The following RBFOX1 variants were observed in gnomAD, a reference collection of about 807,000 sequenced individuals.
RBFOX1 encodes the protein RNA binding protein fox-1 homolog 1.
A neutral mutation model predicts 57.7 loss-of-function variants in RBFOX1; 8 were observed. The observed-to-expected ratio is 0.14, with a 90% CI of 0.08 to 0.25. RBFOX1 has a LOEUF of 0.25. Ranked by LOEUF, RBFOX1 falls within the 10% of genes least tolerant of loss-of-function variation. The probability of loss-of-function intolerance (pLI) is 1.00; values close to 1 mark genes in which losing one functional copy is unlikely to be tolerated. For synonymous variants in RBFOX1, 326 were observed against 222.4 expected (o/e 1.47, Z -4.15); for missense variants, 611 against 548.5 (o/e 1.11, Z -1.14).
At chr16:6,638,611 C>G (rs1031707239) in intron 2 of RBFOX1, among the ~76,000 whole-genome samples, 19 of 152,136 alleles carry the variant, frequency 1.2e-4, no homozygotes, top group African/African-American at 4.6e-4. Flanking sequence ...GGTGTGTACA[C>G]ATAGATTGAA....
intron 3 of RBFOX1, among the ~76,000 whole-genome samples, chr16:6,888,704 G>C (rs777044627): frequency 2.6e-5 from 4 of 152,098 alleles, no homozygotes; most frequent in Non-Finnish European, 5.9e-5. Flanking sequence ...AAAAAAGCTG[G>C]GGGAAGGGAG....
chr16:5,502,633 CTG>C (rs1355125778), intron 2 of RBFOX1, among the ~76,000 whole-genome samples: 1 of 152,192 alleles, frequency 6.6e-6, no homozygotes, highest in Non-Finnish European at 1.5e-5. Flanking sequence ...CCTCCAGCCT[CTG>C]TTATCTCTGC....
At chr16:6,327,994 G>T (rs543826429) in intron 2 of RBFOX1, among the ~76,000 whole-genome samples, 1 of 152,128 alleles carries the variant, frequency 6.6e-6, no homozygotes, top group Non-Finnish European at 1.5e-5. Flanking sequence ...AACGTATAAA[G>T]GTTGTGCATT....
rs112466920 is a variant in RBFOX1 at position 6,306,798 on chromosome 16, C to G, written c.-126-10197C>G. Among the ~76,000 whole-genome samples, 1,307 of 152,268 alleles carry G rather than the reference C, an allele frequency of 8.6e-3. 16 individuals are homozygous for G. Among genetic ancestry groups the G allele is most frequent in the African/African-American group, 0.028 (1,154 of 41,540 alleles). ...CAGGAATTAAAAGTTGTCGTTTTCT[C>G]TGATATACTATGCCTTGCACTCAGT... On this transcript the variant is annotated intron_variant, in intron 1 of 15. Coordinates refer to ENST00000550418, the MANE Select transcript of RBFOX1 (RefSeq NM_018723.4).
chr16:5,597,872 AC>A (rs1449950047), intron 2 of RBFOX1, among the ~76,000 whole-genome samples: 2 of 151,880 alleles, frequency 1.3e-5, no homozygotes, highest in East Asian at 3.9e-4. Context: ...CTCCACTGCA[AC>A]CCTGCTGAGT....
At position 7,438,040 on chromosome 16, in the gene RBFOX1, C is replaced by T. The variant is rs562903781; in HGVS notation, c.28-80107C>T. Among the ~76,000 whole-genome samples the T allele has an allele frequency of 3.3e-5, 5 of 152,224 alleles. No individual in the cohort carries two copies. The East Asian group carries it at 7.7e-4, about 24-fold the overall frequency. ...GCATGTCAGTGCGACAGTTGATGTG[C>T]GTCTCATTGTATTTAAAATTATAGT... On this transcript the variant is annotated intron_variant, in intron 4 of 15. Transcript: ENST00000550418.
At chr16:6,412,647 C>T (rs1290092803) in intron 2 of RBFOX1, among the ~76,000 whole-genome samples, 2 of 152,206 alleles carry the variant, frequency 1.3e-5, no homozygotes, top group African/African-American at 2.4e-5. Context: ...GCTTCACATG[C>T]ACTTTGATGT....
At chr16:5,532,305 C>G (rs2151036895) in intron 2 of RBFOX1, among the ~76,000 whole-genome samples, 1 of 152,306 alleles carries the variant, frequency 6.6e-6, no homozygotes, top group East Asian at 1.9e-4. Context: ...TTCTGGGGAG[C>G]AACATCGCCA....
chr16:6,991,698 G>C (rs925263041), intron 3 of RBFOX1, among the ~76,000 whole-genome samples: 2 of 151,994 alleles, frequency 1.3e-5, no homozygotes, highest in African/African-American at 2.4e-5. Context: ...TGCCATTCCT[G>C]CCTGACTTTT....
intron 4 of RBFOX1, among the ~76,000 whole-genome samples, chr16:5,898,978 A>T (rs1340849456): frequency 6.6e-6 from 1 of 151,466 alleles, no homozygotes; most frequent in Non-Finnish European, 1.5e-5. Flanking sequence ...TGAGAGGATC[A>T]CTTGAGCCCA....
rs116369717 is a variant in RBFOX1, at chr16:5,491,263, G to A, written c.258+24009G>A. 2.5e-3 allele frequency among the ~76,000 whole-genome samples: 378 copies of A among 152,204 alleles called. 1 individual carries two copies. Among genetic ancestry groups the A allele is most frequent in the African/African-American group, 8.0e-3 (332 of 41,530 alleles). ...ACGCCAGCACCCACTTGAAGAACTGGAATATTACCAGCCACCCCGAGCCAC... is the reference window on the plus strand; with the variant it reads ...ACGCCAGCACCCACTTGAAGAACTGAAATATTACCAGCCACCCCGAGCCAC... On this transcript the variant is annotated intron_variant, in intron 2 of 2. Coordinates refer to the RBFOX1 transcript ENST00000585867.
chr16:6,587,745 A>G (rs1320961445), intron 2 of RBFOX1, among the ~76,000 whole-genome samples: 1 of 152,218 alleles, frequency 6.6e-6, no homozygotes, highest in Non-Finnish European at 1.5e-5. Context: ...TTTACATACA[A>G]ACTTGTAGAA....
At chr16:6,858,746 A>C (rs2058360332) in intron 3 of RBFOX1, among the ~76,000 whole-genome samples, 1 of 152,150 alleles carries the variant, frequency 6.6e-6, no homozygotes, top group African/African-American at 2.4e-5. Flanking sequence ...AGTGTATACC[A>C]AAAACACATC....
In RBFOX1 at chr16:6,019,115, A is replaced by AT. The variant is rs2095021528; in HGVS notation, c.-1000dup. The AT allele has an allele frequency of 1.0e-6, 1 of 984,010 alleles. No individual in the cohort carries two copies. Among genetic ancestry groups the AT allele is most frequent in the Admixed American group, 6.2e-5 (1 of 16,104 alleles). 61.0% of individuals were successfully genotyped at this position (984,010 alleles called of 1,614,324 possible). A position where few individuals can be genotyped will look rare whatever the true frequency, so the allele number is the denominator to read the frequency against. ...CACACGCACACACACACATGCACAC[A>AT]TTTTCTCGCGCTCTCTCCGGCTCTC... On this transcript the variant is annotated 5_prime_UTR_variant, in exon 1 of 16. An upstream open reading frame in the 5' UTR loses its in-frame stop. Coordinates refer to ENST00000550418, the MANE Select transcript of RBFOX1 (RefSeq NM_018723.4). This position sits in a 1 kb window ranked among gnomAD's most constrained non-coding sequence, Gnocchi z 4.2.
intron 11 of RBFOX1, among the ~76,000 whole-genome samples, chr16:7,643,308 A>G (rs1348598130): frequency 2.0e-5 from 3 of 152,228 alleles, no homozygotes; most frequent in African/African-American, 7.2e-5. Context: ...TGCTCATTAC[A>G]TGTAATTTTA....
At chr16:6,156,725 T>A (rs1241711282) in intron 1 of RBFOX1, among the ~76,000 whole-genome samples, 2 of 152,212 alleles carry the variant, frequency 1.3e-5, no homozygotes, top group East Asian at 1.9e-4. Context: ...TGTGGTAGCA[T>A]GGGTGAAACC....
intron 4 of RBFOX1, among the ~76,000 whole-genome samples, chr16:7,328,239 T>G (rs1388866111): frequency 6.6e-6 from 1 of 152,052 alleles, no homozygotes; most frequent in Non-Finnish European, 1.5e-5. Context: ...CCCAGCACTT[T>G]GGGAGGCTGC....
intron 3 of RBFOX1, among the ~76,000 whole-genome samples, chr16:6,797,276 C>A (rs553183501): frequency 2.6e-5 from 4 of 152,256 alleles, no homozygotes; most frequent in East Asian, 3.9e-4. Flanking sequence ...TCCTTAGGAT[C>A]CTGGTAAATC....
At chr16:7,681,810 GC>G (rs2074833461) in intron 14 of RBFOX1, among the ~76,000 whole-genome samples, 1 of 152,074 alleles carries the variant, frequency 6.6e-6, no homozygotes, top group South Asian at 2.1e-4. Flanking sequence ...GACAAAGGGG[GC>G]ACTTGCTTTG....
Sources: gnomAD v4.1 joint callset for allele counts (sites outside exome capture counted in the v4.1 genomes callset) on GRCh38, gnomAD v4.1.1 for gene constraint, Gnocchi (gnomAD v3.1) non-coding constraint, MANE v1.5 for transcripts, NCBI Gene and HGNC (gene_info 2026-07-23, HGNC 2026-07-21) for gene names.